The following APOL4 variants were observed in gnomAD, a reference collection of about 807,000 sequenced individuals.
APOL4 encodes apolipoprotein L, 4.
Under a neutral mutation model 12.1 loss-of-function variants are expected in APOL4, and 14 were observed. The ratio of observed to expected loss-of-function variants is 1.16; its 90% CI spans 0.76 to 1.81. The LOEUF (loss-of-function observed/expected upper bound fraction) is 1.81, where lower values mean the gene tolerates loss of function less well. Ranked by LOEUF, APOL4 falls within the 40% of genes most tolerant of loss-of-function variation. The pLI is 0.00. For synonymous variants in APOL4, 171 were observed against 160.6 expected (o/e 1.06, Z -0.49); for missense variants, 432 against 423.1 (o/e 1.02, Z -0.18).
intron 3 of APOL4, chr22:36,195,076 A>C (rs1420063628): frequency 4.5e-6 from 2 of 444,458 alleles, no homozygotes; most frequent in African/African-American, 3.9e-5. Context: ...TCCCATCACC[A>C]GTAGATGGCA....
At chr22:36,199,197 C>T (rs562761765) in intron 2 of APOL4, 133 bp downstream of exon 2, 112 of 1,271,672 alleles carry the variant, frequency 8.8e-5, no homozygotes, top group Non-Finnish European at 1.2e-4. Context: ...GCAGCCTCAT[C>T]AGCCACCTCC....
chr22:36,204,075 C>T (rs2014662438), upstream of APOL4, among the ~76,000 whole-genome samples: 1 of 152,130 alleles, frequency 6.6e-6, no homozygotes. Flanking sequence ...CACTCCCCTC[C>T]CAGGGCCTCA....
rs898752082 is a variant in APOL4, at chr22:36,197,831, C to A, written c.82+1499G>T. The A allele has an allele frequency of 3.9e-6, 6 of 1,545,938 alleles. No individual in the cohort carries two copies. The African/African-American group carries it at 8.2e-5, about 21-fold the overall frequency. ...GGGGGAGGGGATGGGCCCAGAGGAC[C>A]CTGACAAACAGGAAGTGGCCAATCT... On this transcript the variant is annotated intron_variant, in intron 2 of 3. Transcript: ENST00000683024.
intron 2 of APOL4, 68 bp from the exon 3 acceptor site, chr22:36,195,505 G>A (rs1471044219): frequency 9.0e-6 from 14 of 1,552,822 alleles, no homozygotes; most frequent in Non-Finnish European, 1.7e-6. Context: ...TTGAGTATAA[G>A]GTGGTTCGGT....
upstream of APOL4, chr22:36,202,200 G>T: frequency 9.3e-7 from 1 of 1,077,580 alleles, no homozygotes; most frequent in Non-Finnish European, 1.4e-6. Flanking sequence ...TAGATCTGCT[G>T]GGCTCAAGTG....
chr22:36,202,211 A>G (rs1468692416), upstream of APOL4: 18 of 973,056 alleles, frequency 1.8e-5, no homozygotes, highest in Non-Finnish European at 2.8e-5. Flanking sequence ...GGCTCAAGTG[A>G]TCTTCCTCCT....
chr22:36,192,852 T>A (rs947285423), intron 3 of APOL4, among the ~76,000 whole-genome samples: 1 of 152,184 alleles, frequency 6.6e-6, no homozygotes, highest in Non-Finnish European at 1.5e-5. Context: ...GGAGACTCCA[T>A]GTCTGCCATG....
chr22:36,192,380 T>C (rs572827283), intron 3 of APOL4, among the ~76,000 whole-genome samples: 1 of 152,308 alleles, frequency 6.6e-6, no homozygotes, highest in African/African-American at 2.4e-5. Context: ...AGGTTAAATA[T>C]GTTTTGTACA....
chr22:36,197,135 A>C (rs117584853), intron 2 of APOL4, among the ~76,000 whole-genome samples: 2,700 of 151,488 alleles, frequency 0.018, 41 homozygotes, highest in East Asian at 0.041. Flanking sequence ...TCAGAGGGAG[A>C]GCTTCTTCCT....
At chr22:36,200,327 C>T (rs2014534618) in intron 1 of APOL4, among the ~76,000 whole-genome samples, 1 of 152,250 alleles carries the variant, frequency 6.6e-6, no homozygotes, top group Non-Finnish European at 1.5e-5. Context: ...TATACACGCT[C>T]ATGGTAAATG....
chr22:36,199,356 C>G lies in APOL4; in HGVS notation c.56G>C (p.Gly19Ala). ...TTGGAACTGTCCAGCCACTGTCCAG[C>G]CTGGATGGTTTTGCTGCACCCTTGA... ...TSVGVQQNHP[G>A]WTVAGQFQEK... Residue 19 changes from glycine (G) to alanine (A), a missense_variant, in exon 2 of 4, where the codon GGC becomes GCC. By Grantham distance (60) the Gly-to-Ala change is moderately conservative. Coordinates refer to ENST00000683024, the MANE Select transcript of APOL4 (RefSeq NM_001386885.1). 1 of 1,614,072 alleles carries G rather than the reference C, an allele frequency of 6.2e-7. No homozygotes were observed. The highest frequency in any genetic ancestry group is 1.1e-5 in the South Asian group (1 of 91,090).
At chr22:36,204,385 G>T (rs2014668988), upstream of APOL4, among the ~76,000 whole-genome samples, 1 of 152,132 alleles carries the variant, frequency 6.6e-6, no homozygotes, top group Non-Finnish European at 1.5e-5. Context: ...AGCCCAGAGA[G>T]CTTTGTGAAC....
intron 2 of APOL4, chr22:36,197,792 C>T (rs1237910309): frequency 9.7e-6 from 15 of 1,550,084 alleles, no homozygotes; most frequent in South Asian, 2.4e-5. Flanking sequence ...CTGCTGTAAC[C>T]AGCTGTAGGG....
intron 2 of APOL4, chr22:36,197,485 G>A (rs2014445017): frequency 9.0e-7 from 1 of 1,108,038 alleles, no homozygotes; most frequent in Non-Finnish European, 1.2e-6. Flanking sequence ...TTATTGATGG[G>A]GTGGGGATGG....
chr22:36,199,724 G>T, intron 1 of APOL4: 1 of 1,376,600 alleles, frequency 7.3e-7, no homozygotes, highest in Non-Finnish European at 9.9e-7. Flanking sequence ...ACAATGACCG[G>T]AAACATGTGT....
At chr22:36,193,909 C>T (rs2014331762) in intron 3 of APOL4, among the ~76,000 whole-genome samples, 1 of 152,200 alleles carries the variant, frequency 6.6e-6, no homozygotes, top group Non-Finnish European at 1.5e-5. Flanking sequence ...TTCAGGGTCT[C>T]ACTCTCACAT....
intron 2 of APOL4, 76 bp from the exon 3 acceptor site, chr22:36,195,513 G>A (rs151212202): frequency 2.7e-5 from 41 of 1,526,618 alleles, no homozygotes; most frequent in East Asian, 4.6e-5. Context: ...AAGGTGGTTC[G>A]GTGTTAATCC....
Position 36,191,048 on chromosome 22 carries a change from G to A in APOL4, c.*27C>T, listed in dbSNP as rs2014227047. The stretch of plus-strand genomic sequence containing the variant: ...GCTTCAGCCAGTCCCTCCGTTTGGG[G>A]TCCCTGACTTCCCGCAACAATTGGG... On this transcript the variant is annotated 3_prime_UTR_variant, in exon 4 of 4. Transcript: ENST00000683024. 5 of 1,551,860 alleles carry A rather than the reference G, an allele frequency of 3.2e-6. No homozygotes were observed. The highest frequency in any genetic ancestry group is 1.4e-5 in the African/African-American group (1 of 73,370).
chr22:36,193,576 T>C (rs2014323967), intron 3 of APOL4, among the ~76,000 whole-genome samples: 2 of 152,186 alleles, frequency 1.3e-5, no homozygotes, highest in African/African-American at 4.8e-5. Flanking sequence ...CGTGAGTCCT[T>C]GTAGTGAATT....
Sources: allele counts gnomAD v4.1 joint callset (sites outside exome capture counted in the v4.1 genomes callset), GRCh38; gene constraint gnomAD v4.1.1; transcripts MANE v1.5; gene names NCBI Gene and HGNC (gene_info 2026-07-23, HGNC 2026-07-21).